RNF157: variants seen among roughly 807,000 people sequenced by gnomAD.
RNF157 encodes the protein E3 ubiquitin ligase RNF157.
A neutral mutation model predicts 88.3 loss-of-function variants in RNF157; 55 were observed. The ratio of observed to expected loss-of-function variants is 0.62; its 90% confidence interval spans 0.50 to 0.78. The LOEUF is 0.78. RNF157 is among the 30% of genes least tolerant of loss of function. The pLI, the probability that RNF157 is intolerant of heterozygous loss-of-function variation, is 0.00. For synonymous variants in RNF157, 334 were observed against 341.2 expected (o/e 0.98, Z 0.23); for missense variants, 788 against 860.8 (o/e 0.92, Z 1.06).
rs141967128 is a variant in RNF157, at chr17:76,234,448, G to A, written c.88+5705C>T. ...TAGCCATCTGAGAAACTGTCAAACC[G>A]TTTTCCAAAGTGGCTGCCCCATTTT... On this transcript the variant is annotated intron_variant, in intron 1 of 18. Coordinates refer to ENST00000269391, the MANE Select transcript of RNF157 (RefSeq NM_052916.3). Among the ~76,000 whole-genome samples the A allele has an allele frequency of 9.0e-3, 1,369 of 152,182 alleles. 51 individuals are homozygous for A. Among genetic ancestry groups the A allele is most frequent in the Admixed American group, 0.065 (989 of 15,282 alleles).
At chr17:76,191,118 C>G (rs1331905845) in intron 2 of RNF157, among the ~76,000 whole-genome samples, 1 of 152,058 alleles carries the variant, frequency 6.6e-6, no homozygotes, top group Non-Finnish European at 1.5e-5. Context: ...GAAAATATGG[C>G]TAAGGACTAC....
At chr17:76,197,915 C>T (rs948708613) in intron 2 of RNF157, among the ~76,000 whole-genome samples, 1 of 152,182 alleles carries the variant, frequency 6.6e-6, no homozygotes, top group African/African-American at 2.4e-5. Flanking sequence ...ATTTGAGGAA[C>T]ATGAACCCCA....
chr17:76,190,580 G>T (rs2069367447), intron 2 of RNF157, among the ~76,000 whole-genome samples: 1 of 150,112 alleles, frequency 6.7e-6, no homozygotes, highest in Non-Finnish European at 1.5e-5. Flanking sequence ...TCCAGCCTGG[G>T]TGACAGAGTG....
chr17:76,177,469 C>T (rs912591932), intron 2 of RNF157, among the ~76,000 whole-genome samples: 1 of 151,950 alleles, frequency 6.6e-6, no homozygotes, highest in Non-Finnish European at 1.5e-5. Flanking sequence ...ACAAGCCAGC[C>T]CCCTGCTGCC....
At chr17:76,212,552 AGCTG>A in intron 1 of RNF157, 70 bp from the exon 2 acceptor site, 9 of 1,040,218 alleles carry the variant, frequency 8.7e-6, no homozygotes, top group Non-Finnish European at 1.3e-5. Flanking sequence ...AAAAAAAAAA[AGCTG>A]ATTTTTAAAA....
intron 2 of RNF157, among the ~76,000 whole-genome samples, chr17:76,184,238 C>T (rs1361851801): frequency 6.7e-6 from 1 of 149,160 alleles, no homozygotes; most frequent in African/African-American, 2.5e-5. Flanking sequence ...ATTGGGCAGA[C>T]ATTTAATATT....
intron 1 of RNF157, among the ~76,000 whole-genome samples, chr17:76,215,540 TAA>T (rs146194120): frequency 0.37 from 45,661 of 124,882 alleles, 7,225 homozygotes; most frequent in East Asian, 0.49. Flanking sequence ...TATAGCAAAC[TAA>T]AAAAAAAAAA....
At chr17:76,228,039 C>T (rs2070123681) in intron 1 of RNF157, among the ~76,000 whole-genome samples, 1 of 151,972 alleles carries the variant, frequency 6.6e-6, no homozygotes, top group South Asian at 2.1e-4. Context: ...TATGTTGCTT[C>T]CTGTTTTTTA....
In RNF157 at chr17:76,155,362, G is replaced by A. The variant is rs1001437940; in HGVS notation, c.1699-45C>T. The A allele has an allele frequency of 1.9e-5, 30 of 1,592,270 alleles. No homozygotes were observed. The Middle Eastern group carries it at 1.7e-3, about 88-fold the overall frequency. On this transcript the variant is annotated intron_variant, in intron 15 of 18. Coordinates refer to ENST00000269391, the MANE Select transcript of RNF157 (RefSeq NM_052916.3). ...TTACAGGCTCTTCCATAAAGGTCTC[G>A]TGACAGCAAACCCAAACCTTCTTCA...
chr17:76,170,674 T>A (rs1022704468), intron 3 of RNF157, among the ~76,000 whole-genome samples: 1 of 152,174 alleles, frequency 6.6e-6, no homozygotes, highest in Non-Finnish European at 1.5e-5. Flanking sequence ...GACCTGGCAC[T>A]GCTAATTTCT....
At chr17:76,214,808 T>C (rs2069861370) in intron 1 of RNF157, among the ~76,000 whole-genome samples, 1 of 152,102 alleles carries the variant, frequency 6.6e-6, no homozygotes. Flanking sequence ...AAAATTCCCA[T>C]CAGCCTCATC....
intron 9 of RNF157, 88 bp from the exon 10 acceptor site, chr17:76,162,090 A>C: frequency 7.4e-6 from 10 of 1,354,028 alleles, no homozygotes; most frequent in Non-Finnish European, 9.2e-6. Flanking sequence ...TGAAGAGCTA[A>C]GATAAGTAAT....
At chr17:76,226,615 C>A in intron 1 of RNF157, 2 of 1,613,398 alleles carry the variant, frequency 1.2e-6, no homozygotes, top group Non-Finnish European at 1.7e-6. Flanking sequence ...CCAACCCATC[C>A]ACAGTCAGCC....
chr17:76,190,461 T>C (rs2069365467), intron 2 of RNF157, among the ~76,000 whole-genome samples: 1 of 151,928 alleles, frequency 6.6e-6, no homozygotes, highest in African/African-American at 2.4e-5. Context: ...GCCACTGTGC[T>C]TGGCCATTCT....
At chr17:76,233,870 TA>T (rs1392780450) in intron 1 of RNF157, among the ~76,000 whole-genome samples, 2 of 152,222 alleles carry the variant, frequency 1.3e-5, no homozygotes, top group East Asian at 3.8e-4. Context: ...ACAATTTATA[TA>T]CCACAGAATT....
chr17:76,177,232 G>C (rs1002493603), intron 2 of RNF157, among the ~76,000 whole-genome samples: 1 of 152,066 alleles, frequency 6.6e-6, no homozygotes, highest in African/African-American at 2.4e-5. Context: ...TGGAAGCCAG[G>C]AACAGGCAGC....
chr17:76,197,243 G>A (rs2069493421), intron 2 of RNF157, among the ~76,000 whole-genome samples: 1 of 152,238 alleles, frequency 6.6e-6, no homozygotes, highest in Non-Finnish European at 1.5e-5. Flanking sequence ...CGATTTTGAT[G>A]TCTTGGTACA....
At chr17:76,158,523 G>A in intron 12 of RNF157, 22 bp from the exon 13 acceptor site, 1 of 1,523,302 alleles carries the variant, frequency 6.6e-7, no homozygotes, top group Non-Finnish European at 9.1e-7. Context: ...CAGTGGAAAA[G>A]CAGCTATATC....
At position 76,215,873 on chromosome 17, in the gene RNF157, ACAG is replaced by A. The variant is rs572276597; in HGVS notation, c.89-3394_89-3392del. Among the ~76,000 whole-genome samples the A allele has an allele frequency of 3.1e-3, 479 of 152,350 alleles. 1 individual carries two copies. Among genetic ancestry groups the A allele is most frequent in the African/African-American group, 0.011 (459 of 41,572 alleles). Reference sequence around the variant, plus strand: ...GGCAGCCATCTGATACAGTGATACAACAGCAGAATTCATCATTTAGGAAAGCTT... The same window carrying A: ...GGCAGCCATCTGATACAGTGATACAACAGAATTCATCATTTAGGAAAGCTT... On this transcript the variant is annotated intron_variant, in intron 1 of 18. Transcript: ENST00000269391.
Sources: allele counts gnomAD v4.1 joint callset (sites outside exome capture counted in the v4.1 genomes callset), GRCh38; gene constraint gnomAD v4.1.1; transcripts MANE v1.5; gene names NCBI Gene and HGNC (gene_info 2026-07-23, HGNC 2026-07-21).